CHRM3: variants seen among roughly 807,000 people sequenced by gnomAD.
CHRM3 encodes the protein cholinergic receptor muscarinic 3.
A neutral mutation model predicts 41.8 loss-of-function variants in CHRM3; 11 were observed. The observed-to-expected ratio is 0.26, with a 90% CI of 0.17 to 0.44. The LOEUF (loss-of-function observed/expected upper bound fraction) is 0.44, where lower values mean the gene tolerates loss of function less well. Among genes scored for constraint, CHRM3 ranks in the 20% least tolerant of loss-of-function variants. The pLI is 1.00. For missense variants in CHRM3, 571 were observed against 745.4 expected (o/e 0.77, Z 2.72); for synonymous variants, 297 against 301.4 (o/e 0.99, Z 0.15).
At chr1:239,798,297 G>A (rs1020050799) in intron 5 of CHRM3, among the ~76,000 whole-genome samples, 12 of 152,098 alleles carry the variant, frequency 7.9e-5, no homozygotes, top group African/African-American at 2.4e-4. Context: ...TCATAGTTAC[G>A]TTTTGGGGGA....
At chr1:239,745,301 C>T (rs891244268) in intron 5 of CHRM3, among the ~76,000 whole-genome samples, 6 of 152,010 alleles carry the variant, frequency 3.9e-5, no homozygotes, top group Admixed American at 2.6e-4. Flanking sequence ...TAATAACTTT[C>T]AACAAAGTTG....
At chr1:239,796,775 CTT>C (rs1669810951) in intron 5 of CHRM3, among the ~76,000 whole-genome samples, 1 of 152,066 alleles carries the variant, frequency 6.6e-6, no homozygotes, top group Admixed American at 6.6e-5. Context: ...GAAGTCTGGG[CTT>C]TTAGTGTGTC....
At chr1:239,553,080 G>A (rs1027414214) in intron 3 of CHRM3, among the ~76,000 whole-genome samples, 9 of 151,972 alleles carry the variant, frequency 5.9e-5, no homozygotes, top group East Asian at 1.9e-4. Flanking sequence ...ATTTACAAAC[G>A]AGGAGACGTA....
At chr1:239,895,449 G>A (rs1678915310) in intron 6 of CHRM3, among the ~76,000 whole-genome samples, 1 of 152,086 alleles carries the variant, frequency 6.6e-6, no homozygotes, top group Non-Finnish European at 1.5e-5. Context: ...GAGCCCTTCT[G>A]TTACTGGTTC....
rs540722447 is a variant in CHRM3, at chr1:239,736,592, A to G, written c.-147+58304A>G. ...TGAACCTAATGACTCTCAGATTAATATACAGTGCTACAGATTTTGCTTTAT... is the reference window on the plus strand; with the variant it reads ...TGAACCTAATGACTCTCAGATTAATGTACAGTGCTACAGATTTTGCTTTAT... On this transcript the variant is annotated intron_variant, in intron 5 of 6. Transcript: ENST00000676153. Among the ~76,000 whole-genome samples the G allele has an allele frequency of 4.6e-5, 7 of 152,192 alleles. No homozygotes were observed. The South Asian group carries it at 8.3e-4, about 18-fold the overall frequency.
chr1:239,599,106 C>T (rs1315794776), intron 3 of CHRM3, among the ~76,000 whole-genome samples: 5 of 152,148 alleles, frequency 3.3e-5, no homozygotes, highest in Admixed American at 2.6e-4. Context: ...CACTAGGAAA[C>T]GTAAGAGGAT....
At chr1:239,558,130 A>G (rs1162961659) in intron 3 of CHRM3, among the ~76,000 whole-genome samples, 1 of 152,196 alleles carries the variant, frequency 6.6e-6, no homozygotes, top group Non-Finnish European at 1.5e-5. Flanking sequence ...ATTTCTCTGC[A>G]ACCTCACAAG....
At chr1:239,890,928 A>G (rs2102942118) in intron 6 of CHRM3, among the ~76,000 whole-genome samples, 1 of 152,330 alleles carries the variant, frequency 6.6e-6, no homozygotes, top group East Asian at 1.9e-4. Flanking sequence ...TACCACAGAT[A>G]GGGACTTCAT....
At chr1:239,848,853 G>A (rs746804505) in intron 6 of CHRM3, among the ~76,000 whole-genome samples, 1 of 152,192 alleles carries the variant, frequency 6.6e-6, no homozygotes, top group Admixed American at 6.6e-5. Flanking sequence ...TGGTATAAAC[G>A]TGTCATGGTG....
chr1:239,785,050 CT>C (rs1281708084), intron 5 of CHRM3, among the ~76,000 whole-genome samples: 1 of 152,218 alleles, frequency 6.6e-6, no homozygotes, highest in Middle Eastern at 3.2e-3. Flanking sequence ...AATTTGCCAT[CT>C]GCCAGTTTGC....
At chr1:239,744,624 G>A (rs1332374204) in intron 5 of CHRM3, among the ~76,000 whole-genome samples, 1 of 152,176 alleles carries the variant, frequency 6.6e-6, no homozygotes, top group Non-Finnish European at 1.5e-5. Flanking sequence ...CACTGAGACT[G>A]GGAAGACGAG....
intron 5 of CHRM3, among the ~76,000 whole-genome samples, chr1:239,811,351 G>A (rs1020733625): frequency 2.0e-5 from 3 of 152,230 alleles, no homozygotes; most frequent in African/African-American, 7.2e-5. Context: ...CAAGACCGCT[G>A]TGAAAATTAG....
At chr1:239,538,905 A>G (rs1400861995) in intron 2 of CHRM3, among the ~76,000 whole-genome samples, 1 of 152,216 alleles carries the variant, frequency 6.6e-6, no homozygotes, top group Admixed American at 6.5e-5. Context: ...GTGGCTATCA[A>G]ATAAGTGCCC....
Position 239,531,639 on chromosome 1 carries a change from A to ATTTTTTTTT in CHRM3, c.-421-13973_-421-13965dup, listed in dbSNP as rs58433814. On this transcript the variant is annotated intron_variant, in intron 2 of 6. Transcript: ENST00000676153. ...ATAAAAACTAATCTCTCTAGAATGG[A>ATTTTTTTTT]TTTTTTTTTTTTTTTTTTTTTTTTT... 8.8e-4 allele frequency among the ~76,000 whole-genome samples: 49 copies of ATTTTTTTTT among 55,900 alleles called. 14 individuals carry two copies. Among genetic ancestry groups the ATTTTTTTTT allele is most frequent in the African/African-American group, 3.3e-3 (37 of 11,330 alleles). The allele number at this position is 55,900 out of a possible 152,430, so 36.7% of individuals were successfully genotyped here. A position where few individuals can be genotyped will look rare whatever the true frequency, so the allele number is the denominator to read the frequency against.
chr1:239,474,512 C>T (rs1666338195), intron 1 of CHRM3, among the ~76,000 whole-genome samples: 1 of 152,052 alleles, frequency 6.6e-6, no homozygotes, highest in Non-Finnish European at 1.5e-5. Context: ...TTGTTTTTCT[C>T]ACTCTTGTCA....
At chr1:239,789,142 G>C (rs543139641) in intron 5 of CHRM3, among the ~76,000 whole-genome samples, 85 of 152,272 alleles carry the variant, frequency 5.6e-4, no homozygotes, top group African/African-American at 2.0e-3. Context: ...CCATTCAGAA[G>C]AGAAAAGAGC....
At chr1:239,688,280 T>C (rs556586963) in intron 5 of CHRM3, among the ~76,000 whole-genome samples, 1 of 147,404 alleles carries the variant, frequency 6.8e-6, no homozygotes, top group South Asian at 2.1e-4. Context: ...TATACACATA[T>C]ATATGTATAT....
chr1:239,571,163 G>T (rs1661788530), intron 3 of CHRM3, among the ~76,000 whole-genome samples: 1 of 152,130 alleles, frequency 6.6e-6, no homozygotes, highest in African/African-American at 2.4e-5. Flanking sequence ...TTAAGTGGCT[G>T]CCAGTTAAAA....
intron 1 of CHRM3, among the ~76,000 whole-genome samples, chr1:239,464,759 C>T (rs1665603269): frequency 6.6e-6 from 1 of 152,124 alleles, no homozygotes; most frequent in African/African-American, 2.4e-5. Context: ...TCTCCTGGAG[C>T]TCTCATTCTT....
Sources: gnomAD v4.1 joint callset for allele counts (sites outside exome capture counted in the v4.1 genomes callset) on GRCh38, gnomAD v4.1.1 for gene constraint, MANE v1.5 for transcripts, NCBI Gene and HGNC (gene_info 2026-07-23, HGNC 2026-07-21) for gene names.